Variants in GALNT1 observed in about 807,000 individuals in gnomAD.
The protein encoded by GALNT1 is polypeptide N-acetylgalactosaminyltransferase 1.
Under a neutral mutation model 65.7 loss-of-function variants are expected in GALNT1, and 17 were observed. The observed-to-expected ratio is 0.26, with a 90% CI of 0.18 to 0.39. GALNT1 has a LOEUF of 0.39. GALNT1 is among the 10% of genes least tolerant of loss of function. The probability of loss-of-function intolerance (pLI) is 1.00; values close to 1 mark genes in which losing one functional copy is unlikely to be tolerated. For missense variants in GALNT1, 460 were observed against 672.8 expected (o/e 0.68, Z 3.50); for synonymous variants, 210 against 219.7 (o/e 0.96, Z 0.39).
chr18:35,594,582 T>A (rs2046482867), intron 1 of GALNT1, among the ~76,000 whole-genome samples: 1 of 152,180 alleles, frequency 6.6e-6, no homozygotes, highest in South Asian at 2.1e-4. Flanking sequence ...TAGAACTTAC[T>A]GAGGGTTAGA....
intron 1 of GALNT1, among the ~76,000 whole-genome samples, chr18:35,587,423 A>G (rs1254382341): frequency 6.6e-6 from 1 of 152,222 alleles, no homozygotes; most frequent in Non-Finnish European, 1.5e-5. Context: ...AGTCTTTGTG[A>G]TCTTGGGGGA....
intron 1 of GALNT1, among the ~76,000 whole-genome samples, chr18:35,647,336 ACTT>A (rs2047243985): frequency 6.6e-6 from 1 of 152,194 alleles, no homozygotes; most frequent in Non-Finnish European, 1.5e-5. Context: ...CCAACTCTGA[ACTT>A]CATAAAGTCA....
At chr18:35,705,558 G>A (rs1389361058) in intron 11 of GALNT1, among the ~76,000 whole-genome samples, 1 of 152,162 alleles carries the variant, frequency 6.6e-6, no homozygotes, top group East Asian at 1.9e-4. Context: ...ATGTGCCACT[G>A]CCATTTTGGG....
At chr18:35,634,004 G>C (rs2047056708) in intron 1 of GALNT1, among the ~76,000 whole-genome samples, 1 of 152,162 alleles carries the variant, frequency 6.6e-6, no homozygotes, top group African/African-American at 2.4e-5. Context: ...GTTTGTCTGT[G>C]AGCTTTGCTT....
intron 4 of GALNT1, among the ~76,000 whole-genome samples, chr18:35,680,778 A>G (rs2047775984): frequency 6.6e-6 from 1 of 152,188 alleles, no homozygotes; most frequent in African/African-American, 2.4e-5. Context: ...CAAACCCTGT[A>G]TAAATCCAGA....
chr18:35,604,957 C>T (rs1400707333), intron 1 of GALNT1, among the ~76,000 whole-genome samples: 1 of 152,140 alleles, frequency 6.6e-6, no homozygotes, highest in Non-Finnish European at 1.5e-5. Flanking sequence ...CCTAAATTTC[C>T]TGAACAGTAA....
At chr18:35,612,411 A>G (rs545008858) in intron 1 of GALNT1, among the ~76,000 whole-genome samples, 1 of 152,230 alleles carries the variant, frequency 6.6e-6, no homozygotes, top group African/African-American at 2.4e-5. Flanking sequence ...TAAGTCTGCT[A>G]ATTTAACCAT....
intron 9 of GALNT1, 103 bp from the exon 10 acceptor site, chr18:35,702,794 G>A: frequency 1.5e-6 from 1 of 672,556 alleles, no homozygotes; most frequent in Non-Finnish European, 2.4e-6. Flanking sequence ...TCAGAGTAGG[G>A]CCAGGGAAAG....
intron 4 of GALNT1, among the ~76,000 whole-genome samples, chr18:35,679,586 T>C (rs1375209706): frequency 6.6e-6 from 1 of 152,166 alleles, no homozygotes; most frequent in Admixed American, 6.5e-5. Context: ...GCTTAGTCTC[T>C]AGGCAGGGTC....
At chr18:35,641,978 T>C (rs1319961063) in intron 1 of GALNT1, among the ~76,000 whole-genome samples, 1 of 152,230 alleles carries the variant, frequency 6.6e-6, no homozygotes, top group Non-Finnish European at 1.5e-5. Context: ...AAAAATAAGC[T>C]TGGAATATTG....
chr18:35,703,274 G>A (rs2048196477), intron 10 of GALNT1, among the ~76,000 whole-genome samples: 1 of 152,024 alleles, frequency 6.6e-6, no homozygotes, highest in Non-Finnish European at 1.5e-5. Context: ...TACATTCAGT[G>A]TATACAGAGA....
At chr18:35,709,439 T>TCTCTCA (rs1196035428) in intron 11 of GALNT1, among the ~76,000 whole-genome samples, 185 bp from the exon 12 acceptor site, 10 of 117,868 alleles carry the variant, frequency 8.5e-5, no homozygotes, top group African/African-American at 3.3e-4. Context: ...TACCTACTTC[T>TCTCTCA]CTCTCTCTCT....
chr18:35,689,230 T>A lies in GALNT1; in HGVS notation c.918T>A (p.Ile306=). The A allele has an allele frequency of 6.2e-7, 1 of 1,612,994 alleles. No individual in the cohort carries two copies. The highest frequency in any genetic ancestry group is 2.2e-5 in the East Asian group (1 of 44,840). Residue 306 remains isoleucine, a synonymous_variant, in exon 7 of 12, where the codon ATT becomes ATA. Transcript: ENST00000269195. ...TAGACAGAGATTACTTTCAGGAAATTGGAACATATGATGCTGGAATGGATA... is the reference window on the plus strand; with the variant it reads ...TAGACAGAGATTACTTTCAGGAAATAGGAACATATGATGCTGGAATGGATA... ...FSIDRDYFQE[I]GTYDAGMDIW...
chr18:35,670,224 C>T (rs2047614730), intron 3 of GALNT1, among the ~76,000 whole-genome samples: 2 of 151,772 alleles, frequency 1.3e-5, no homozygotes, highest in East Asian at 1.9e-4. Context: ...CTCAGGAGTT[C>T]GAGATTGCAG....
intron 9 of GALNT1, among the ~76,000 whole-genome samples, chr18:35,698,350 T>G (rs2048096043): frequency 6.6e-6 from 1 of 152,034 alleles, no homozygotes; most frequent in Non-Finnish European, 1.5e-5. Flanking sequence ...GCATCTGTAG[T>G]CCCAGCTACT....
chr18:35,636,937 CATT>C, intron 1 of GALNT1, among the ~76,000 whole-genome samples: 1 of 151,816 alleles, frequency 6.6e-6, no homozygotes, highest in East Asian at 1.9e-4. Flanking sequence ...CAGAGGTTTT[CATT>C]ATTATATCTG....
In GALNT1 at chr18:35,637,216, G is replaced by A. The variant is rs139894244; in HGVS notation, c.-103-17344G>A. On this transcript the variant is annotated intron_variant, in intron 1 of 11. Transcript: ENST00000269195. ...CCTACAGTGGCCTCTAAGCATTCAAGTGAAAGGAAGAGTCATGTGTCTCTC... is the reference window on the plus strand; with the variant it reads ...CCTACAGTGGCCTCTAAGCATTCAAATGAAAGGAAGAGTCATGTGTCTCTC... Among the ~76,000 whole-genome samples the A allele has an allele frequency of 2.5e-3, 379 of 152,302 alleles. 1 individual carries two copies. The highest frequency in any genetic ancestry group is 8.7e-3 in the African/African-American group (362 of 41,560).
At chr18:35,590,099 G>C (rs775827198) in intron 1 of GALNT1, among the ~76,000 whole-genome samples, 1 of 152,094 alleles carries the variant, frequency 6.6e-6, no homozygotes, top group Non-Finnish European at 1.5e-5. Flanking sequence ...CTTCTCTGCT[G>C]TTTTCCATGG....
intron 1 of GALNT1, among the ~76,000 whole-genome samples, chr18:35,641,857 T>A (rs2071430361): frequency 1.3e-5 from 2 of 152,190 alleles, no homozygotes; most frequent in Admixed American, 1.3e-4. Flanking sequence ...CAGGGGTCGG[T>A]GTGATGACTC....
Sources: gnomAD v4.1 joint callset for allele counts (sites outside exome capture counted in the v4.1 genomes callset) on GRCh38, gnomAD v4.1.1 for gene constraint, MANE v1.5 for transcripts, NCBI Gene and HGNC (gene_info 2026-07-23, HGNC 2026-07-21) for gene names.